The following ADAMTSL2 variants were observed in gnomAD, a reference collection of about 807,000 sequenced individuals.
The protein encoded by ADAMTSL2 is ADAMTS like 2.
Under a neutral mutation model 117.0 loss-of-function variants are expected in ADAMTSL2, and 55 were observed. The observed-to-expected ratio is 0.47, with a 90% CI of 0.38 to 0.59. ADAMTSL2 has a LOEUF of 0.59. Ranked by LOEUF, ADAMTSL2 falls within the 20% of genes least tolerant of loss-of-function variation. The pLI, the probability that ADAMTSL2 is intolerant of heterozygous loss-of-function variation, is 0.00. For missense variants in ADAMTSL2, 1,182 were observed against 1,354.5 expected (o/e 0.87, Z 2.00); for synonymous variants, 572 against 566.4 (o/e 1.01, Z -0.14).
intron 11 of ADAMTSL2, among the ~76,000 whole-genome samples, chr9:133,556,536 G>T (rs1830608751): frequency 6.6e-6 from 1 of 152,230 alleles, no homozygotes; most frequent in Non-Finnish European, 1.5e-5. Flanking sequence ...TCCATGAGGG[G>T]CAAGAGCCTG....
At chr9:133,548,701 G>A (rs1208945473) in intron 9 of ADAMTSL2, among the ~76,000 whole-genome samples, 1 of 152,198 alleles carries the variant, frequency 6.6e-6, no homozygotes, top group Admixed American at 6.5e-5. Flanking sequence ...TGCCCCTTGT[G>A]GGGGGCATGA....
rs1008308095 is a variant in ADAMTSL2 at position 133,557,141 on chromosome 9, C to T, written c.1649+1211C>T. Among the ~76,000 whole-genome samples, 2 of 152,106 alleles carry T rather than the reference C, an allele frequency of 1.3e-5. No individual in the cohort carries two copies. The highest frequency in any genetic ancestry group is 3.9e-4 in the East Asian group (2 of 5,180). On this transcript the variant is annotated intron_variant, in intron 11 of 18. Coordinates refer to ENST00000651351, the MANE Select transcript of ADAMTSL2 (RefSeq NM_014694.4). This position sits in a 1 kb window ranked among gnomAD's most constrained non-coding sequence, Gnocchi z 5.2. ...TGATGGGAGATTCAGGGTTCACTCTCGAGGTGATGTGGTTTGGGGCCACCC... is the reference window on the plus strand; with the variant it reads ...TGATGGGAGATTCAGGGTTCACTCTTGAGGTGATGTGGTTTGGGGCCACCC...
intron 12 of ADAMTSL2, among the ~76,000 whole-genome samples, chr9:133,563,841 GAGGGA>G (rs1830814675): frequency 1.2e-4 from 6 of 50,422 alleles, no homozygotes; most frequent in African/African-American, 1.7e-4. Flanking sequence ...GAGAGAGAGA[GAGGGA>G]GAGAGAGAGA....
At chr9:133,564,394 GAGGGAGA>G in intron 12 of ADAMTSL2, among the ~76,000 whole-genome samples, 1 of 69,006 alleles carries the variant, frequency 1.4e-5, no homozygotes. Context: ...GGGAGAGAGA[GAGGGAGA>G]GAGAGAGGGA....
At chr9:133,565,715 G>A (rs1052801766) in intron 12 of ADAMTSL2, among the ~76,000 whole-genome samples, 2 of 152,234 alleles carry the variant, frequency 1.3e-5, no homozygotes, top group African/African-American at 4.8e-5. Flanking sequence ...GCAGACACAC[G>A]CCGCCGGGCG....
intron 13 of ADAMTSL2, among the ~76,000 whole-genome samples, chr9:133,567,323 C>G (rs1034970375): frequency 1.4e-4 from 22 of 152,376 alleles, no homozygotes; most frequent in African/African-American, 5.3e-4. Flanking sequence ...AGAAACCATT[C>G]TCAACATTAT....
rs1172635549 is a variant in ADAMTSL2 at position 133,544,408 on chromosome 9, G to T, written c.683-62G>T. The T allele has an allele frequency of 2.9e-6, 4 of 1,384,636 alleles. No individual in the cohort carries two copies. The African/African-American group carries it at 5.7e-5, about 20-fold the overall frequency. The allele number at this position is 1,384,636 out of a possible 1,614,324, so 85.8% of individuals were successfully genotyped here. A position where few individuals can be genotyped will look rare whatever the true frequency, so the allele number is the denominator to read the frequency against. Reference sequence around the variant, plus strand: ...ACCCTCCAATAGCTGTGGAGTGGGCGAGTGCCACCCAAGGCTGCCTTTCCA... The same window carrying T: ...ACCCTCCAATAGCTGTGGAGTGGGCTAGTGCCACCCAAGGCTGCCTTTCCA... On this transcript the variant is annotated intron_variant, in intron 7 of 18. Transcript: ENST00000651351.
rs1190573184 is a variant in ADAMTSL2 at position 133,534,750 on chromosome 9, G to A, written c.-318G>A. The A allele has an allele frequency of 3.5e-6, 5 of 1,442,534 alleles. No homozygotes were observed. The highest frequency in any genetic ancestry group is 4.6e-6 in the Non-Finnish European group (5 of 1,090,970). 89.4% of individuals were successfully genotyped at this position (1,442,534 alleles called of 1,614,324 possible). A position where few individuals can be genotyped will look rare whatever the true frequency, so the allele number is the denominator to read the frequency against. On this transcript the variant is annotated 5_prime_UTR_variant, in exon 1 of 19. Transcript: ENST00000651351. ...GAACCCCCTCTCTTGGATGCTCTTT[G>A]AAGTGGGAGAGGGAGGCGGCGCGGG...
intron 9 of ADAMTSL2, among the ~76,000 whole-genome samples, chr9:133,551,440 C>T (rs1211857323): frequency 1.3e-5 from 2 of 152,266 alleles, no homozygotes; most frequent in South Asian, 2.1e-4. Flanking sequence ...TGTAACACTT[C>T]CACCTTACAA....
At chr9:133,568,849 G>A (rs934807444) in intron 15 of ADAMTSL2, 91 bp downstream of exon 15, 12 of 1,555,744 alleles carry the variant, frequency 7.7e-6, no homozygotes, top group East Asian at 4.5e-5. Context: ...ATTTTTTTCC[G>A]AGGCAAGGGT....
chr9:133,547,469 A>G (rs973812300), intron 9 of ADAMTSL2, among the ~76,000 whole-genome samples: 18 of 152,170 alleles, frequency 1.2e-4, no homozygotes, highest in African/African-American at 4.1e-4. Flanking sequence ...CCATTCACTC[A>G]TCAGTTCATT....
At chr9:133,570,765 C>G (rs958783086) in intron 17 of ADAMTSL2, among the ~76,000 whole-genome samples, 1 of 152,334 alleles carries the variant, frequency 6.6e-6, no homozygotes, top group Admixed American at 6.5e-5. Context: ...GGCCCGGGAA[C>G]TCCGGCCTCG....
In ADAMTSL2 at chr9:133,537,428, C is replaced by T; in HGVS notation, c.114C>T (p.Ser38=). ...GSTDNSPTSN[S]LEGGTDATAF... ...AGGACAACAGCCCAACATCCAATAG[C>T]CTGGAGGGGGGCACCGACGCCACGG... Residue 38 remains serine (S), a synonymous_variant, in exon 3 of 19, where the codon AGC becomes AGT. Coordinates refer to ENST00000651351, the MANE Select transcript of ADAMTSL2 (RefSeq NM_014694.4). The T allele has an allele frequency of 7.4e-7, 1 of 1,345,562 alleles. No individual in the cohort carries two copies. Among genetic ancestry groups the T allele is most frequent in the Non-Finnish European group, 9.6e-7 (1 of 1,039,664 alleles). 83.4% of individuals were successfully genotyped at this position (1,345,562 alleles called of 1,614,324 possible). A position where few individuals can be genotyped will look rare whatever the true frequency, so the allele number is the denominator to read the frequency against.
chr9:133,551,332 G>C (rs1288078054), intron 9 of ADAMTSL2, among the ~76,000 whole-genome samples: 1 of 151,878 alleles, frequency 6.6e-6, no homozygotes, highest in Admixed American at 6.6e-5. Flanking sequence ...GAGCTGGAAA[G>C]GGGATGTGTG....
chr9:133,551,463 G>T (rs1414041934), intron 9 of ADAMTSL2, among the ~76,000 whole-genome samples: 1 of 152,194 alleles, frequency 6.6e-6, no homozygotes, highest in Non-Finnish European at 1.5e-5. Flanking sequence ...GATTGCTGCT[G>T]GCGGAGCTGG....
rs1206950898 is a variant in ADAMTSL2 at position 133,554,448 on chromosome 9, A to G, written c.1031A>G (p.Tyr344Cys). 10 of 1,560,790 alleles carry G rather than the reference A, an allele frequency of 6.4e-6. No individual in the cohort carries two copies. The African/African-American group carries it at 6.8e-5, about 11-fold the overall frequency. Residue 344 changes from tyrosine to cysteine, a missense_variant, in exon 10 of 19, where the codon TAT becomes TGT. By Grantham distance (194) the Tyr-to-Cys change is radical. This residue lies in a region of ADAMTSL2 where 345 missense variants were observed against 325.8 expected (regional missense o/e 1.06). Coordinates refer to ENST00000651351, the MANE Select transcript of ADAMTSL2 (RefSeq NM_014694.4). The surrounding 1 kb of genome is among the most constrained non-coding windows in gnomAD (Gnocchi z 5.2). ...PHESRPQPIY[Y>C]GFSESAESQG... ...GAGAGCCGCCCCCAGCCCATCTACT[A>G]TGGCTTCTCCGAGAGCGCTGAGAGC...
In ADAMTSL2 at chr9:133,551,814, T is replaced by A. The variant is rs1237913533; in HGVS notation, c.940-2543T>A. ...CAGGATCCCACCCAAAGCAGCAGCT[T>A]TTTTTTTTTTTTTTTTTTTTTTTTG... On this transcript the variant is annotated intron_variant, in intron 9 of 18. Transcript: ENST00000651351. 1.1e-3 allele frequency among the ~76,000 whole-genome samples: 16 copies of A among 15,010 alleles called. No individual in the cohort carries two copies. In the South Asian group the frequency reaches 0.019, roughly 18 times the overall value. 9.8% of individuals were successfully genotyped at this position (15,010 alleles called of 152,430 possible).
intron 11 of ADAMTSL2, among the ~76,000 whole-genome samples, chr9:133,559,537 A>G (rs1304539929): frequency 2.0e-5 from 3 of 146,534 alleles, no homozygotes; most frequent in Admixed American, 2.0e-4. Context: ...TATTTTTAGT[A>G]GAGACGGGGT....
Position 133,568,739 on chromosome 9 carries a change from C to A in ADAMTSL2, c.2225C>A (p.Thr742Asn). The A allele has an allele frequency of 1.2e-6, 2 of 1,613,114 alleles. No individual in the cohort carries two copies. The highest frequency in any genetic ancestry group is 8.5e-7 in the Non-Finnish European group (1 of 1,179,990). The change falls in exon 15 of 19, where the codon ACC (threonine) becomes AAC (asparagine). Residue 742 changes from threonine to asparagine, a missense_variant. Thr to Asn is a moderately conservative substitution (Grantham distance 65). Transcript: ENST00000651351. ...CTGPPCDRQW[T>N]VSDWGPCSGS... ...GGCCCGCCCTGTGACCGGCAGTGGA[C>A]CGTCTCCGACTGGGGACCGGTGAGG...
Sources: allele counts gnomAD v4.1 joint callset (sites outside exome capture counted in the v4.1 genomes callset), GRCh38; gene constraint gnomAD v4.1.1; regional missense constraint gnomAD v4.1.1; non-coding constraint Gnocchi (gnomAD v3.1); transcripts MANE v1.5; gene names NCBI Gene and HGNC (gene_info 2026-07-23, HGNC 2026-07-21).